MYO1D: variants seen among roughly 807,000 people sequenced by gnomAD.
MYO1D encodes the protein myosin ID, also known as unconventional myosin-Id.
A neutral mutation model predicts 122.0 loss-of-function variants in MYO1D; 83 were observed. That is an observed-to-expected ratio of 0.68 (90% CI 0.57 to 0.82). The LOEUF (loss-of-function observed/expected upper bound fraction) is 0.82. MYO1D is among the 40% of genes least tolerant of loss of function. The probability of loss-of-function intolerance (pLI) is 0.00; values close to 1 mark genes in which losing one functional copy is unlikely to be tolerated. For missense variants in MYO1D, 1,157 were observed against 1,269.5 expected (o/e 0.91, Z 1.35); for synonymous variants, 464 against 446.9 (o/e 1.04, Z -0.48).
At chr17:32,710,539 T>C (rs1054158301) in intron 16 of MYO1D, among the ~76,000 whole-genome samples, 1 of 152,300 alleles carries the variant, frequency 6.6e-6, no homozygotes, top group East Asian at 1.9e-4. Context: ...TGAAAAGCCT[T>C]CTTAAAGAAA....
At position 32,653,875 on chromosome 17, in the gene MYO1D, T is replaced by C. The variant is rs1235372936; in HGVS notation, c.2563A>G (p.Met855Val). ...ANELKRKDKY[M>V]NVLFSCHVRK... is the part of the protein sequence containing the mutation. Reference sequence around the variant, plus strand: ...ACGTGACAGGAAAAGAGGACATTCATGTATTTGTCCTTCCGTTTCAATTCA... The same window carrying C: ...ACGTGACAGGAAAAGAGGACATTCACGTATTTGTCCTTCCGTTTCAATTCA... The change falls in exon 19 of 22, where the codon ATG becomes GTG. Residue 855 changes from methionine to valine, a missense_variant. By Grantham distance (21) the Met-to-Val change is conservative. Coordinates refer to ENST00000318217, the MANE Select transcript of MYO1D (RefSeq NM_015194.3). 27 of 1,613,874 alleles carry C rather than the reference T, an allele frequency of 1.7e-5. No homozygotes were observed. The highest frequency in any genetic ancestry group is 2.2e-5 in the Non-Finnish European group (26 of 1,179,910).
Position 32,702,412 on chromosome 17 carries a change from A to C in MYO1D, c.2121+9576T>G, listed in dbSNP as rs193190687. Among the ~76,000 whole-genome samples, 786 of 152,324 alleles carry C rather than the reference A, an allele frequency of 5.2e-3. 8 individuals are homozygous for C. The highest frequency in any genetic ancestry group is 0.017 in the African/African-American group (719 of 41,570). On this transcript the variant is annotated intron_variant, in intron 16 of 21. Coordinates refer to ENST00000318217, the MANE Select transcript of MYO1D (RefSeq NM_015194.3). ...CCTATAATTCCACTTTGAATTCCAC[A>C]TAAAATTAGAAACAATCATATAATT...
chr17:32,567,562 C>G (rs1253009174), intron 21 of MYO1D, among the ~76,000 whole-genome samples: 1 of 152,212 alleles, frequency 6.6e-6, no homozygotes, highest in Non-Finnish European at 1.5e-5. Flanking sequence ...GACTTAAACA[C>G]AGACCAATCT....
intron 1 of MYO1D, among the ~76,000 whole-genome samples, chr17:32,864,942 A>G (rs2091111389): frequency 6.6e-6 from 1 of 152,204 alleles, no homozygotes; most frequent in Admixed American, 6.5e-5. Context: ...GCAATTAAAA[A>G]AAACAGTTGT....
chr17:32,871,076 A>T (rs1278236535), intron 1 of MYO1D, among the ~76,000 whole-genome samples: 1 of 152,190 alleles, frequency 6.6e-6, no homozygotes, highest in Non-Finnish European at 1.5e-5. Context: ...GATGAGTAAG[A>T]GTATGGCAGG....
At chr17:32,533,004 GCTTT>G (rs1047663111) in intron 21 of MYO1D, among the ~76,000 whole-genome samples, 1 of 152,088 alleles carries the variant, frequency 6.6e-6, no homozygotes, top group African/African-American at 2.4e-5. Context: ...GATCATGATG[GCTTT>G]ATGACACTCT....
chr17:32,580,395 G>T (rs1261821445), intron 21 of MYO1D, among the ~76,000 whole-genome samples: 4 of 68,198 alleles, frequency 5.9e-5, no homozygotes, highest in African/African-American at 1.2e-4. Context: ...TTTTCAGTTT[G>T]TTTATCTGGT....
rs371473874 is a variant in MYO1D at position 32,523,938 on chromosome 17, C to T, written c.2865-29023G>A. Reference sequence around the variant, plus strand: ...TTCCTCAGCCATGAAATGGGGATGACGATAGTATTATTTTCATACAGACTT... The same window carrying T: ...TTCCTCAGCCATGAAATGGGGATGATGATAGTATTATTTTCATACAGACTT... On this transcript the variant is annotated intron_variant, in intron 21 of 21. Transcript: ENST00000318217. Among the ~76,000 whole-genome samples the T allele has an allele frequency of 9.2e-5, 14 of 152,182 alleles. No homozygotes were observed. The South Asian group carries it at 1.0e-3, about 11-fold the overall frequency.
At chr17:32,730,210 CAT>C (rs2089621600) in intron 14 of MYO1D, among the ~76,000 whole-genome samples, 1 of 151,230 alleles carries the variant, frequency 6.6e-6, no homozygotes, top group African/African-American at 2.4e-5. Context: ...AAAATTTTCA[CAT>C]GTATTTTTAA....
At chr17:32,545,742 C>T (rs1738346834) in intron 21 of MYO1D, among the ~76,000 whole-genome samples, 1 of 151,620 alleles carries the variant, frequency 6.6e-6, no homozygotes, top group South Asian at 2.1e-4. Context: ...ACATGAATGA[C>T]ATCTCCAATT....
chr17:32,846,166 G>A (rs1235512173), intron 1 of MYO1D, among the ~76,000 whole-genome samples: 3 of 152,190 alleles, frequency 2.0e-5, no homozygotes, highest in African/African-American at 7.2e-5. Context: ...TTCAGGAACA[G>A]GCCTGCAATG....
chr17:32,829,437 T>TC (rs2090752345), intron 1 of MYO1D, among the ~76,000 whole-genome samples: 1 of 152,190 alleles, frequency 6.6e-6, no homozygotes, highest in African/African-American at 2.4e-5. Flanking sequence ...GGTAGGAACT[T>TC]GAGTCTCATG....
chr17:32,780,835 G>A (rs1239334155), intron 1 of MYO1D, 51 bp from the exon 2 acceptor site: 1 of 1,530,092 alleles, frequency 6.5e-7, no homozygotes. Context: ...ACAGAGAAAT[G>A]ATGTATCTGT....
chr17:32,815,197 C>T (rs746192776), intron 1 of MYO1D, among the ~76,000 whole-genome samples: 11 of 152,148 alleles, frequency 7.2e-5, no homozygotes, highest in Admixed American at 1.3e-4. Context: ...AGAAAATAGG[C>T]GCTCAAGGCT....
intron 20 of MYO1D, among the ~76,000 whole-genome samples, chr17:32,607,494 C>G (rs2087643126): frequency 6.6e-6 from 1 of 151,924 alleles, no homozygotes; most frequent in South Asian, 2.1e-4. Flanking sequence ...AATTAAAAGG[C>G]TGATGAAAGG....
intron 1 of MYO1D, among the ~76,000 whole-genome samples, chr17:32,817,706 G>A (rs1598123449): frequency 6.6e-6 from 1 of 152,126 alleles, no homozygotes; most frequent in South Asian, 2.1e-4. Context: ...CTCACTGAGC[G>A]TTACCATGCC....
At chr17:32,731,688 T>C (rs1258429441) in intron 14 of MYO1D, among the ~76,000 whole-genome samples, 7 of 152,236 alleles carry the variant, frequency 4.6e-5, no homozygotes, top group Non-Finnish European at 1.0e-4. Context: ...GAGCTGGCAG[T>C]AGCCAGGAAC....
chr17:32,686,756 T>C lies in MYO1D; in HGVS notation c.2121+25232A>G, dbSNP rs541807986. Among the ~76,000 whole-genome samples the C allele has an allele frequency of 1.6e-3, 237 of 152,108 alleles. 1 individual carries two copies. The highest frequency in any genetic ancestry group is 0.01 in the Middle Eastern group (3 of 294). On this transcript the variant is annotated intron_variant, in intron 16 of 21. Transcript: ENST00000318217. ...GGTACACACCTGTAGTCCCAGCTAC[T>C]TGGGAGGCTGAGGCAGGAGGGATCA...
intron 1 of MYO1D, among the ~76,000 whole-genome samples, chr17:32,841,776 C>CAGGA (rs67047584): frequency 1.3e-5 from 2 of 151,382 alleles, no homozygotes; most frequent in African/African-American, 4.9e-5. Flanking sequence ...CCTATTGCAA[C>CAGGA]AGGAAGGAAG....
Sources: gnomAD v4.1 joint callset for allele counts (sites outside exome capture counted in the v4.1 genomes callset) on GRCh38, gnomAD v4.1.1 for gene constraint, MANE v1.5 for transcripts, NCBI Gene and HGNC (gene_info 2026-07-23, HGNC 2026-07-21) for gene names.